Variants in ERC1 observed in about 807,000 individuals in gnomAD.
ERC1 encodes the protein RAB6 interacting protein 2.
In ERC1, 56 loss-of-function variants were observed where a neutral mutation model predicts 132.0. The ratio of observed to expected loss-of-function variants is 0.42; its 90% CI spans 0.34 to 0.53. ERC1 has a LOEUF of 0.53. ERC1 is among the 20% of genes least tolerant of loss of function. The pLI is 0.03. For synonymous variants in ERC1, 478 were observed against 476.1 expected (o/e 1.00, Z -0.05); for missense variants, 1,202 against 1,349.9 (o/e 0.89, Z 1.72).
chr12:1,104,236 A>T (rs573844559), intron 3 of ERC1, among the ~76,000 whole-genome samples: 37 of 151,990 alleles, frequency 2.4e-4, no homozygotes, highest in Non-Finnish European at 4.6e-4. Flanking sequence ...ACCACTAGAG[A>T]GCGAGCTTCA....
At chr12:1,156,960 CTGTTTTT>C (rs34912922) in intron 8 of ERC1, among the ~76,000 whole-genome samples, 22 of 151,702 alleles carry the variant, frequency 1.5e-4, no homozygotes, top group African/African-American at 2.2e-4. Flanking sequence ...ATACATTTTC[CTGTTTTT>C]TGTTTTTTGT....
At position 1,180,674 on chromosome 12, in the gene ERC1, G is replaced by T. The variant is rs1954343655; in HGVS notation, c.1872G>T (p.Glu624Asp). ...ALTTLEEALA[E>D]KERTIERLKE... ...CAACTTTGGAGGAGGCCCTTGCAGA[G>T]AAAGTGAGTGGCTGGCCCCAACTCT... The change falls in exon 9 of 19, where the codon GAG becomes GAT. Residue 624 changes from glutamate to aspartate, a missense_variant. By Grantham distance (45) the Glu-to-Asp change is conservative (BLOSUM62 2). Coordinates refer to ENST00000360905, the MANE Select transcript of ERC1 (RefSeq NM_178040.4). 6.2e-7 allele frequency: 1 copy of T among 1,613,958 alleles called. No individual in the cohort carries two copies. The highest frequency in any genetic ancestry group is 1.3e-5 in the African/African-American group (1 of 74,882).
At chr12:1,436,749 G>A (rs1472251783) in intron 17 of ERC1, among the ~76,000 whole-genome samples, 1 of 152,106 alleles carries the variant, frequency 6.6e-6, no homozygotes, top group African/African-American at 2.4e-5. Context: ...GGGCATGCAG[G>A]GAGTTAAAAG....
intron 2 of ERC1, among the ~76,000 whole-genome samples, chr12:1,064,068 A>AT (rs796793754): frequency 2.0e-4 from 31 of 152,064 alleles, no homozygotes; most frequent in African/African-American, 6.7e-4. Context: ...TTGGCTAACA[A>AT]TTTTTTTGCT....
intron 17 of ERC1, among the ~76,000 whole-genome samples, chr12:1,422,818 T>C (rs896553165): frequency 6.6e-6 from 1 of 152,226 alleles, no homozygotes; most frequent in Non-Finnish European, 1.5e-5. Flanking sequence ...CCACAAACAC[T>C]GTGTAAGAGT....
chr12:1,205,884 C>T (rs904022151), intron 12 of ERC1, among the ~76,000 whole-genome samples: 4 of 152,068 alleles, frequency 2.6e-5, no homozygotes, highest in South Asian at 2.1e-4. Context: ...GTCCTTTGCA[C>T]GACTGGTTTT....
rs201214905 is a variant in ERC1, at chr12:1,122,475, G to GTCTCTA, written c.1569+6476_1569+6481dup. 2.6e-3 allele frequency among the ~76,000 whole-genome samples: 34 copies of GTCTCTA among 12,890 alleles called. 1 individual carries two copies. The highest frequency in any genetic ancestry group is 0.012 in the African/African-American group (26 of 2,218). The allele number at this position is 12,890 out of a possible 152,430, so 8.5% of individuals were successfully genotyped here. ...TATCTCTATCTCTATCTCTATCTGT[G>GTCTCTA]TCTCTATCTCTATCTCTATCTCTAT... is the stretch of plus-strand genomic sequence containing the variant. On this transcript the variant is annotated intron_variant, in intron 7 of 18. Coordinates refer to ENST00000360905, the MANE Select transcript of ERC1 (RefSeq NM_178040.4).
chr12:1,065,283 G>T (rs1266650477), intron 2 of ERC1, among the ~76,000 whole-genome samples: 4 of 152,172 alleles, frequency 2.6e-5, no homozygotes, highest in African/African-American at 9.7e-5. Context: ...TTACAGGTGT[G>T]AGCCACCGCG....
At chr12:1,303,519 G>T (rs1303519733) in intron 15 of ERC1, among the ~76,000 whole-genome samples, 1 of 151,206 alleles carries the variant, frequency 6.6e-6, no homozygotes, top group African/African-American at 2.4e-5. Flanking sequence ...TGCACCTGTA[G>T]TCCCAGCTGC....
At chr12:1,339,696 C>T (rs565395153) in intron 15 of ERC1, among the ~76,000 whole-genome samples, 1 of 152,298 alleles carries the variant, frequency 6.6e-6, no homozygotes, top group East Asian at 1.9e-4. Flanking sequence ...GGTGACTGTG[C>T]ATGTGATATC....
chr12:1,303,134 T>A (rs2080540846), intron 15 of ERC1, among the ~76,000 whole-genome samples: 2 of 152,172 alleles, frequency 1.3e-5, no homozygotes, highest in Non-Finnish European at 2.9e-5. Flanking sequence ...CCTGCCTCTA[T>A]CTTGATGGCT....
intron 15 of ERC1, among the ~76,000 whole-genome samples, chr12:1,305,179 C>T (rs1015060165): frequency 3.3e-5 from 5 of 152,130 alleles, no homozygotes; most frequent in African/African-American, 9.7e-5. Context: ...TTCAGAGCAG[C>T]GTCCAGGTTC....
At chr12:1,266,391 CTTTTTTTTTTTTTTTT>C (rs71293128) in intron 14 of ERC1, among the ~76,000 whole-genome samples, 13 of 43,016 alleles carry the variant, frequency 3.0e-4, no homozygotes, top group African/African-American at 1.2e-3. Context: ...CGTTTCCTGT[CTTTTTTTTTTTTTTTT>C]TTTTTTTTTT....
intron 15 of ERC1, among the ~76,000 whole-genome samples, chr12:1,332,306 G>T (rs1385540200): frequency 6.6e-6 from 1 of 151,928 alleles, no homozygotes; most frequent in East Asian, 1.9e-4. Context: ...GCGTCTTCTT[G>T]GATTTCTCTT....
At chr12:1,010,118 C>T (rs928099962) in intron 1 of ERC1, among the ~76,000 whole-genome samples, 1 of 152,048 alleles carries the variant, frequency 6.6e-6, no homozygotes, top group South Asian at 2.1e-4. Context: ...AAAAAACTGC[C>T]TTGGTAGAGT....
At chr12:1,308,237 A>T (rs1407024120) in intron 15 of ERC1, among the ~76,000 whole-genome samples, 3 of 144,280 alleles carry the variant, frequency 2.1e-5, no homozygotes, top group Admixed American at 2.1e-4. Context: ...TATTATTTGC[A>T]TGAATGGTAG....
Position 1,022,853 on chromosome 12 carries a change from A to G in ERC1, c.-156-4895A>G, listed in dbSNP as rs1171617439. 3.3e-5 allele frequency among the ~76,000 whole-genome samples: 5 copies of G among 152,206 alleles called. No individual in the cohort carries two copies. In the South Asian group the frequency reaches 8.3e-4, roughly 25 times the overall value. ...GGCTGGTCTTGAACTCCTGACCTCA[A>G]GTGATCCACTGACCTTGGCCTCCCA... On this transcript the variant is annotated intron_variant, in intron 1 of 18. Transcript: ENST00000360905.
chr12:1,014,512 A>G (rs1193835685), intron 1 of ERC1, among the ~76,000 whole-genome samples: 2 of 152,168 alleles, frequency 1.3e-5, no homozygotes, highest in Non-Finnish European at 2.9e-5. Context: ...CTATAAAAAG[A>G]AAATGGAACA....
At chr12:1,460,417 C>T (rs952398071) in intron 18 of ERC1, among the ~76,000 whole-genome samples, 4 of 152,154 alleles carry the variant, frequency 2.6e-5, no homozygotes, top group Non-Finnish European at 4.4e-5. Context: ...TGGGCTGAGT[C>T]GGTGTTACCC....
Sources: allele counts gnomAD v4.1 joint callset (sites outside exome capture counted in the v4.1 genomes callset), GRCh38; gene constraint gnomAD v4.1.1; transcripts MANE v1.5; gene names NCBI Gene and HGNC (gene_info 2026-07-23, HGNC 2026-07-21).